Variants in SGCD observed in about 807,000 individuals in gnomAD.
SGCD encodes sarcoglycan delta, also known as delta-sarcoglycan.
In SGCD, 18 loss-of-function variants were observed where a neutral mutation model predicts 36.6. The ratio of observed to expected loss-of-function variants is 0.49; its 90% CI spans 0.34 to 0.73. The LOEUF is 0.73. Among genes scored for constraint, SGCD ranks in the 30% least tolerant of loss-of-function variants. The pLI is 0.01. For missense variants in SGCD, 387 were observed against 346.7 expected (o/e 1.12, Z -0.92); for synonymous variants, 133 against 130.6 (o/e 1.02, Z -0.12).
At chr5:156,350,141 A>G (rs187218248) in intron 3 of SGCD, among the ~76,000 whole-genome samples, 1 of 151,400 alleles carries the variant, frequency 6.6e-6, no homozygotes, top group African/African-American at 2.4e-5. Flanking sequence ...GGTAGAGTAT[A>G]CAGTACTCGG....
the SGCD span, among the ~76,000 whole-genome samples, chr5:155,854,568 C>G: frequency 6.6e-6 from 1 of 152,206 alleles, no homozygotes; most frequent in South Asian, 2.1e-4. Context: ...GCTGATTCAA[C>G]TTGTTGGACC....
chr5:156,079,594 G>A (rs1342380024), intron 1 of SGCD, among the ~76,000 whole-genome samples: 2 of 152,170 alleles, frequency 1.3e-5, no homozygotes, highest in Non-Finnish European at 2.9e-5. Flanking sequence ...TGGAGAAATA[G>A]CCAAAAGAAA....
chr5:155,940,043 G>A (rs1283957142), intron 1 of SGCD, among the ~76,000 whole-genome samples: 2 of 152,066 alleles, frequency 1.3e-5, no homozygotes, highest in Non-Finnish European at 2.9e-5. Context: ...ATGTTGGTCA[G>A]GCTGGTCTTG....
At chr5:156,756,651 G>C (rs1757346126) in intron 7 of SGCD, among the ~76,000 whole-genome samples, 1 of 152,174 alleles carries the variant, frequency 6.6e-6, no homozygotes, top group African/African-American at 2.4e-5. Context: ...GTATTATCCT[G>C]TTTTGCCATC....
At chr5:156,176,710 A>T (rs1046883687) in intron 3 of SGCD, among the ~76,000 whole-genome samples, 6 of 152,108 alleles carry the variant, frequency 3.9e-5, no homozygotes, top group African/African-American at 1.4e-4. Flanking sequence ...GCTCTAAAAG[A>T]CTCTAACAAT....
At chr5:156,315,718 A>G (rs1429687737) in intron 3 of SGCD, among the ~76,000 whole-genome samples, 2 of 151,906 alleles carry the variant, frequency 1.3e-5, no homozygotes, top group African/African-American at 2.4e-5. Flanking sequence ...TTGCCAATGC[A>G]TATATATATT....
intron 4 of SGCD, among the ~76,000 whole-genome samples, chr5:156,551,616 TG>T: frequency 1.3e-5 from 2 of 151,620 alleles, no homozygotes; most frequent in East Asian, 3.9e-4. Context: ...AAAAAGGAAG[TG>T]GGGGAGGAAA....
intron 4 of SGCD, among the ~76,000 whole-genome samples, chr5:156,573,923 C>G (rs1468636169): frequency 6.6e-6 from 1 of 152,028 alleles, no homozygotes; most frequent in Admixed American, 6.6e-5. Flanking sequence ...AAACTCCTAG[C>G]CTCAAGTGAT....
intron 1 of SGCD, among the ~76,000 whole-genome samples, chr5:155,891,200 C>A (rs1756121461): frequency 6.6e-6 from 1 of 152,214 alleles, no homozygotes. Flanking sequence ...CTGGGCCCTA[C>A]TGCACTGGAG....
intron 8 of SGCD, 25 bp from the exon 9 acceptor site, chr5:156,759,192 T>C (rs1757447333): frequency 1.2e-6 from 2 of 1,603,442 alleles, no homozygotes; most frequent in Non-Finnish European, 8.5e-7. Flanking sequence ...TGACCAATGC[T>C]TTCCTTCCTA....
intron 1 of SGCD, among the ~76,000 whole-genome samples, chr5:155,897,623 C>T (rs935448276): frequency 2.6e-5 from 4 of 151,714 alleles, no homozygotes; most frequent in Non-Finnish European, 5.9e-5. Flanking sequence ...TATTTTCTTT[C>T]TTTATATCCT....
chr5:156,348,837 C>G (rs1769087493), intron 3 of SGCD, among the ~76,000 whole-genome samples: 2 of 152,020 alleles, frequency 1.3e-5, no homozygotes, highest in African/African-American at 2.4e-5. Flanking sequence ...CATCACATTA[C>G]CGGACTTCAA....
chr5:155,970,264 C>T (rs1757982769), intron 1 of SGCD, among the ~76,000 whole-genome samples: 1 of 152,124 alleles, frequency 6.6e-6, no homozygotes, highest in Non-Finnish European at 1.5e-5. Context: ...GACCACATCT[C>T]TCCTCCTGCT....
At chr5:156,631,644 C>A (rs1278748489) in intron 6 of SGCD, among the ~76,000 whole-genome samples, 2 of 151,564 alleles carry the variant, frequency 1.3e-5, no homozygotes, top group African/African-American at 4.9e-5. Context: ...TTGGGAGATA[C>A]TAGATGCCCT....
intron 1 of SGCD, among the ~76,000 whole-genome samples, chr5:156,046,237 C>T (rs541514874): frequency 6.6e-6 from 1 of 152,202 alleles, no homozygotes; most frequent in South Asian, 2.1e-4. Context: ...ATAGAAGATG[C>T]AAGGGATGTT....
At chr5:156,270,164 G>A (rs986862855) in intron 3 of SGCD, among the ~76,000 whole-genome samples, 1 of 152,178 alleles carries the variant, frequency 6.6e-6, no homozygotes, top group Admixed American at 6.5e-5. Flanking sequence ...CTTTGTTGAA[G>A]ATCAGATGGT....
chr5:156,382,016 A>G (rs1476842227), intron 3 of SGCD, among the ~76,000 whole-genome samples: 5 of 152,160 alleles, frequency 3.3e-5, no homozygotes, highest in Middle Eastern at 3.2e-3. Flanking sequence ...TTACATTATC[A>G]TCTTTAATTC....
intron 1 of SGCD, among the ~76,000 whole-genome samples, chr5:156,016,429 A>C (rs1161157905): frequency 6.6e-6 from 1 of 152,158 alleles, no homozygotes; most frequent in African/African-American, 2.4e-5. Flanking sequence ...CATACATAGA[A>C]TATTAACAAG....
chr5:155,907,412 T>C (rs1756541793), intron 1 of SGCD, among the ~76,000 whole-genome samples: 1 of 152,134 alleles, frequency 6.6e-6, no homozygotes. Context: ...CATAAGGCTA[T>C]AGCTGCCATA....
Sources: gnomAD v4.1 joint callset for allele counts (sites outside exome capture counted in the v4.1 genomes callset) on GRCh38, gnomAD v4.1.1 for gene constraint, MANE v1.5 for transcripts, NCBI Gene and HGNC (gene_info 2026-07-23, HGNC 2026-07-21) for gene names.